Variants in ICE1 observed in about 807,000 individuals in gnomAD.
The protein encoded by ICE1 is interactor of little elongation complex ELL subunit 1.
ICE1 carries 64 observed loss-of-function variants against 192.7 expected under a neutral mutation model. The observed-to-expected ratio is 0.33, with a 90% confidence interval of 0.27 to 0.41. ICE1 has a LOEUF of 0.41. Among genes scored for constraint, ICE1 ranks in the 10% least tolerant of loss-of-function variants. ICE1 has a pLI of 1.00. For synonymous variants in ICE1, 1,010 were observed against 984.5 expected, an observed-to-expected ratio of 1.03 and a Z score of -0.49; for missense variants, 2,708 against 2,696.0, an observed-to-expected ratio of 1.00 and a Z score of -0.10.
chr5:5,461,658 A>G lies in ICE1; in HGVS notation c.2324A>G (p.Gln775Arg), dbSNP rs1218032243. ...GATTTCACATCATTAATAGGTTCTC[A>G]GGCTGCCTTGATCAAGAGTGGTTTG... Reference protein sequence around the residue: ...KPDFTSLIGSQAALIKSGLGF... With the variant: ...KPDFTSLIGSRAALIKSGLGF... The change falls in exon 13 of 19, where the codon CAG (glutamine) becomes CGG (arginine). Residue 775 changes from glutamine (Q) to arginine (R), a missense_variant. Physicochemically the swap from Gln to Arg is conservative, Grantham distance 43 (BLOSUM62 1). Transcript: ENST00000296564. The G allele has an allele frequency of 6.2e-7, 1 of 1,613,732 alleles. No homozygotes were observed. Among genetic ancestry groups the G allele is most frequent in the African/African-American group, 1.3e-5 (1 of 75,060 alleles).
intron 17 of ICE1, among the ~76,000 whole-genome samples, chr5:5,485,511 C>T (rs1000493303): frequency 6.6e-6 from 1 of 152,146 alleles, no homozygotes; most frequent in Non-Finnish European, 1.5e-5. Flanking sequence ...TTTTCAAATA[C>T]GGATATTCTT....
chr5:5,426,806 G>T (rs138091787), intron 1 of ICE1, among the ~76,000 whole-genome samples: 1 of 152,180 alleles, frequency 6.6e-6, no homozygotes, highest in African/African-American at 2.4e-5. Flanking sequence ...AATAATTTTC[G>T]CATGTATTAT....
rs1738898744 is a variant in ICE1, at chr5:5,464,127, G to T, written c.4793G>T (p.Arg1598Ile). The part of the protein sequence containing the change: ...SGEKANTKTQ[R>I]SQTQTILANA... The stretch of plus-strand genomic sequence containing the variant: ...GAAAAAGCTAATACAAAAACTCAAA[G>T]AAGCCAAACTCAGACCATTTTAGCA... The change falls in exon 13 of 19, where the codon AGA (arginine) becomes ATA (isoleucine). Residue 1598 changes from arginine to isoleucine, a missense_variant. By Grantham distance (97) the Arg-to-Ile change is moderately conservative. Coordinates refer to ENST00000296564, the MANE Select transcript of ICE1 (RefSeq NM_015325.3). The surrounding 1 kb of genome is among the most constrained non-coding windows in gnomAD (Gnocchi z 4.0). The T allele has an allele frequency of 4.3e-6, 7 of 1,613,364 alleles. No homozygotes were observed. Among genetic ancestry groups the T allele is most frequent in the Non-Finnish European group, 5.9e-6 (7 of 1,179,882 alleles).
chr5:5,460,754 AGAAAAAGAG>A lies in ICE1; in HGVS notation c.1421_1429del (p.Arg474_Asp477delinsAsn), dbSNP rs748761110. ...CACAGCATCTCGATCCATGAGTGATAGAAAAAGAGACATTTTACATGAGACAAAAACACA... is the reference window on the plus strand; with the variant it reads ...CACAGCATCTCGATCCATGAGTGATAACATTTTACATGAGACAAAAACACA... On this transcript the variant is annotated inframe_deletion, in exon 13 of 19. Coordinates refer to ENST00000296564, the MANE Select transcript of ICE1 (RefSeq NM_015325.3). 1 of 1,614,054 alleles carries A rather than the reference AGAAAAAGAG, an allele frequency of 6.2e-7. No individual in the cohort carries two copies. The highest frequency in any genetic ancestry group is 8.5e-7 in the Non-Finnish European group (1 of 1,179,898).
At chr5:5,478,811 G>C (rs952565728) in intron 17 of ICE1, among the ~76,000 whole-genome samples, 3 of 152,152 alleles carry the variant, frequency 2.0e-5, no homozygotes, top group Non-Finnish European at 2.9e-5. Context: ...CCATCATCAT[G>C]ATCTTTGACA....
chr5:5,427,927 G>A (rs1737573230), intron 1 of ICE1, among the ~76,000 whole-genome samples: 1 of 152,128 alleles, frequency 6.6e-6, no homozygotes, highest in African/African-American at 2.4e-5. Context: ...GCATGTAGGA[G>A]GGACAGTTAT....
chr5:5,460,409 T>C, intron 12 of ICE1, 27 bp from the exon 13 acceptor site: 1 of 1,308,422 alleles, frequency 7.6e-7, no homozygotes, highest in African/African-American at 1.5e-5. Flanking sequence ...AATTAGTGTT[T>C]GACAAGTGTA....
Position 5,454,588 on chromosome 5 carries a change from G to T in ICE1, c.641G>T (p.Cys214Phe). ...VKLLLKELWL[C>F]VNTTHRLPGE... The stretch of plus-strand genomic sequence containing the variant: ...CTGCTTCTGAAGGAACTCTGGCTCT[G>T]TGTAAACACAACACACAGACTACCT... Residue 214 changes from cysteine (C) to phenylalanine (F), a missense_variant, in exon 11 of 19, where the codon TGT becomes TTT. Physicochemically the swap from Cys to Phe is radical, Grantham distance 205. Around this residue, in one of 2 missense-constraint regions of ICE1, gnomAD observed 2,366 missense variants for 2,276.6 expected, o/e 1.04. Coordinates refer to ENST00000296564, the MANE Select transcript of ICE1 (RefSeq NM_015325.3). 2 of 1,613,604 alleles carry T rather than the reference G, an allele frequency of 1.2e-6. No individual in the cohort carries two copies. The highest frequency in any genetic ancestry group is 1.1e-5 in the South Asian group (1 of 91,012).
chr5:5,425,273 A>G (rs987995249), intron 1 of ICE1, among the ~76,000 whole-genome samples: 1 of 152,166 alleles, frequency 6.6e-6, no homozygotes, highest in African/African-American at 2.4e-5. Flanking sequence ...TGGGTTCTCA[A>G]AACATCAATA....
At chr5:5,486,150 T>C (rs979539345) in intron 17 of ICE1, among the ~76,000 whole-genome samples, 6 of 152,182 alleles carry the variant, frequency 3.9e-5, no homozygotes, top group African/African-American at 7.2e-5. Flanking sequence ...TTAGTGAGAG[T>C]AATTGTGACT....
intron 17 of ICE1, among the ~76,000 whole-genome samples, chr5:5,480,789 T>C (rs1739482337): frequency 6.6e-6 from 1 of 152,188 alleles, no homozygotes; most frequent in African/African-American, 2.4e-5. Flanking sequence ...ACACCAAATT[T>C]CACTGGAAAT....
At chr5:5,426,529 G>A (rs960043686) in intron 1 of ICE1, among the ~76,000 whole-genome samples, 10 of 151,976 alleles carry the variant, frequency 6.6e-5, no homozygotes, top group Non-Finnish European at 1.5e-4. Flanking sequence ...TCACTTAAAG[G>A]AATCTTTGAA....
At chr5:5,487,900 CCTT>C (rs757690580) in intron 18 of ICE1, among the ~76,000 whole-genome samples, 1 of 152,160 alleles carries the variant, frequency 6.6e-6, no homozygotes, top group Non-Finnish European at 1.5e-5. Flanking sequence ...ATGGCATTGT[CCTT>C]CTTGTATACA....
Position 5,422,855 on chromosome 5 carries a change from G to C in ICE1, c.-61G>C. On this transcript the variant is annotated 5_prime_UTR_variant, in exon 1 of 19. Transcript: ENST00000296564. ...GCCCCGGCGGCATCAGCAGAGACAG[G>C]ACGGGGCCGACGCCGCGGGCCCCTG... The C allele has an allele frequency of 8.3e-7, 1 of 1,209,548 alleles. No individual in the cohort carries two copies. The highest frequency in any genetic ancestry group is 3.1e-4 in the Middle Eastern group (1 of 3,176). The allele number at this position is 1,209,548 out of a possible 1,614,324, so 74.9% of individuals were successfully genotyped here.
chr5:5,469,688 C>CT (rs1438933009), intron 15 of ICE1, among the ~76,000 whole-genome samples: 3 of 151,980 alleles, frequency 2.0e-5, no homozygotes, highest in East Asian at 1.9e-4. Flanking sequence ...GCTGTTTTGC[C>CT]TTTTTTTATT....
At position 5,457,384 on chromosome 5, in the gene ICE1, G is replaced by A. The variant is rs372914209; in HGVS notation, c.744G>A (p.Thr248=). ...TSSRVPGEDG[T]LPPTQGSPLR... ...CCAGAGTGCCTGGGGAAGATGGTACGCTACCTCCAACACAGGGCAGCCCTC... is the reference window on the plus strand; with the variant it reads ...CCAGAGTGCCTGGGGAAGATGGTACACTACCTCCAACACAGGGCAGCCCTC... Residue 248 remains threonine, a synonymous_variant, in exon 12 of 19, where the codon ACG becomes ACA. Coordinates refer to ENST00000296564, the MANE Select transcript of ICE1 (RefSeq NM_015325.3). The A allele has an allele frequency of 1.2e-4, 196 of 1,613,268 alleles. 1 individual carries two copies. Among genetic ancestry groups the A allele is most frequent in the Non-Finnish European group, 1.5e-4 (181 of 1,179,708 alleles).
intron 1 of ICE1, among the ~76,000 whole-genome samples, chr5:5,430,710 T>C (rs543298272): frequency 6.6e-6 from 1 of 152,354 alleles, no homozygotes; most frequent in East Asian, 1.9e-4. Context: ...TACTCCACCA[T>C]GCCTAAGCAT....
At chr5:5,432,681 C>T (rs1282465475) in intron 1 of ICE1, among the ~76,000 whole-genome samples, 1 of 152,096 alleles carries the variant, frequency 6.6e-6, no homozygotes, top group Non-Finnish European at 1.5e-5. Context: ...TCAACACTTG[C>T]TATTGTCTGT....
In ICE1 at chr5:5,422,962, A is replaced by G; in HGVS notation, c.47A>G (p.Asp16Gly). ...THSAAPGTAA[D>G]LSRCQGCASL... ...TCGGCGGCGCCCGGGACGGCGGCGG[A>G]CCTGTCGCGATGTCAGGGCTGCGCC... The change falls in exon 1 of 19, where the codon GAC (aspartate) becomes GGC (glycine). Residue 16 changes from aspartate to glycine, a missense_variant. Asp to Gly is a moderately conservative substitution (Grantham distance 94). Around this residue, in one of 2 missense-constraint regions of ICE1, gnomAD observed 2,366 missense variants for 2,276.6 expected, o/e 1.04. Transcript: ENST00000296564. 1 of 1,454,556 alleles carries G rather than the reference A, an allele frequency of 6.9e-7. No individual in the cohort carries two copies. Among genetic ancestry groups the G allele is most frequent in the South Asian group, 1.3e-5 (1 of 75,528 alleles). The allele number at this position is 1,454,556 out of a possible 1,614,324, so 90.1% of individuals were successfully genotyped here. A position where few individuals can be genotyped will look rare whatever the true frequency, so the allele number is the denominator to read the frequency against.
Sources: gnomAD v4.1 joint callset for allele counts (sites outside exome capture counted in the v4.1 genomes callset) on GRCh38, gnomAD v4.1.1 for gene constraint, gnomAD v4.1.1 regional missense constraint, Gnocchi (gnomAD v3.1) non-coding constraint, MANE v1.5 for transcripts, NCBI Gene and HGNC (gene_info 2026-07-23, HGNC 2026-07-21) for gene names.